Variants in FGR observed in about 807,000 individuals in gnomAD.
FGR encodes the protein tyrosine-protein kinase Fgr.
FGR carries 26 observed loss-of-function variants against 63.2 expected under a neutral mutation model. That is an observed-to-expected ratio of 0.41 (90% CI 0.30 to 0.57). The LOEUF is 0.57. FGR is among the 20% of genes least tolerant of loss of function. FGR has a pLI of 0.27. For synonymous variants in FGR, 286 were observed against 277.7 expected (o/e 1.03, Z -0.30); for missense variants, 511 against 690.8 (o/e 0.74, Z 2.92).
chr1:27,621,541 G>A lies in FGR; in HGVS notation c.428+18C>T, dbSNP rs767180774. 2 of 1,595,602 alleles carry A rather than the reference G, an allele frequency of 1.3e-6. No homozygotes were observed. Among genetic ancestry groups the A allele is most frequent in the Admixed American group, 3.3e-5 (2 of 59,964 alleles). ...GGGTCCTGTCCATAGGGCTGGTCTTGCCCCAATCCCTACTTACTCTTCAGC... is the reference window on the plus strand; with the variant it reads ...GGGTCCTGTCCATAGGGCTGGTCTTACCCCAATCCCTACTTACTCTTCAGC... On this transcript the variant is annotated intron_variant, in intron 5 of 12. Transcript: ENST00000374005.
chr1:27,614,906 T>C lies in FGR; in HGVS notation c.1039A>G (p.Lys347Glu). 3.8e-6 allele frequency: 6 copies of C among 1,599,010 alleles called. No individual in the cohort carries two copies. Among genetic ancestry groups the C allele is most frequent in the Non-Finnish European group, 5.1e-6 (6 of 1,171,456 alleles). The change falls in exon 10 of 13, where the codon AAG becomes GAG. Residue 347 changes from lysine (K) to glutamate (E), a missense_variant. Lys to Glu is a moderately conservative substitution (Grantham distance 56). Transcript: ENST00000374005. The part of the protein sequence containing the change: ...MCHGSLLDFL[K>E]NPEGQDLRLP... ...CTCAAATCCTGGCCCTCTGGGTTCT[T>C]GAGAAAATCCAGCAAGCTGCCTGGG...
chr1:27,617,345 C>G lies in FGR; in HGVS notation c.429-49G>C. 7.5e-7 allele frequency: 1 copy of G among 1,339,710 alleles called. No individual in the cohort carries two copies. The highest frequency in any genetic ancestry group is 1.1e-6 in the Non-Finnish European group (1 of 932,660). The allele number at this position is 1,339,710 out of a possible 1,614,324, so 83.0% of individuals were successfully genotyped here. On this transcript the variant is annotated intron_variant, in intron 5 of 12. Transcript: ENST00000374005. This position sits in a 1 kb window ranked among gnomAD's most constrained non-coding sequence, Gnocchi z 4.5. ...TCAGGTACGCTCTGCTCAAACCTCA[C>G]CTCAGCCTCCTGCACAGTCACCTCA...
At position 27,612,794 on chromosome 1, in the gene FGR, G is replaced by A. The variant is rs2231883; in HGVS notation, c.*120C>T. 3.5e-3 allele frequency: 3,241 copies of A among 929,360 alleles called. 61 individuals are homozygous for A. The African/African-American group carries it at 0.044, about 13-fold the overall frequency. The allele number at this position is 929,360 out of a possible 1,614,324, so 57.6% of individuals were successfully genotyped here. A position where few individuals can be genotyped will look rare whatever the true frequency, so the allele number is the denominator to read the frequency against. ...CCCTAGGTGGTGTCAGAGCAGCCACGTCCTCGGTGATGCTAGGACTCTATG... is the reference window on the plus strand; with the variant it reads ...CCCTAGGTGGTGTCAGAGCAGCCACATCCTCGGTGATGCTAGGACTCTATG... On this transcript the variant is annotated 3_prime_UTR_variant, in exon 13 of 13. Transcript: ENST00000374005.
At chr1:27,623,175 G>T in intron 3 of FGR, 31 bp from the exon 4 acceptor site, 1 of 1,547,092 alleles carries the variant, frequency 6.5e-7, no homozygotes, top group Non-Finnish European at 8.9e-7. Flanking sequence ...AGCAGGGTAG[G>T]GCATGGGGCA....
chr1:27,631,943 G>A (rs1432670132), intron 1 of FGR, among the ~76,000 whole-genome samples: 1 of 151,928 alleles, frequency 6.6e-6, no homozygotes, highest in Non-Finnish European at 1.5e-5. Context: ...CAAGGCTGAG[G>A]TCTGCAGGTG....
In FGR at chr1:27,615,207, C is replaced by A. The variant is rs973403182; in HGVS notation, c.1018+227G>T. 6.6e-6 allele frequency among the ~76,000 whole-genome samples: 1 copy of A among 152,088 alleles called. No individual in the cohort carries two copies. Among genetic ancestry groups the A allele is most frequent in the African/African-American group, 2.4e-5 (1 of 41,398 alleles). ...CCGATTCTGCCTTCGTTAGCCCAAG[C>A]CCTACCCGCCTAACACCGGAGGCAC... On this transcript the variant is annotated intron_variant, in intron 9 of 12. Coordinates refer to ENST00000374005, the MANE Select transcript of FGR (RefSeq NM_005248.3). This position sits in a 1 kb window ranked among gnomAD's most constrained non-coding sequence, Gnocchi z 7.6.
chr1:27,620,906 G>A (rs2089907899), intron 5 of FGR, among the ~76,000 whole-genome samples: 1 of 140,462 alleles, frequency 7.1e-6, no homozygotes, highest in Non-Finnish European at 1.5e-5. Context: ...AGAATCATCT[G>A]AGCCAGGGAG....
At chr1:27,631,470 G>A (rs72655019) in intron 1 of FGR, among the ~76,000 whole-genome samples, 1 of 152,160 alleles carries the variant, frequency 6.6e-6, no homozygotes, top group Non-Finnish European at 1.5e-5. Flanking sequence ...GGGATCTAGA[G>A]GCAGATTTAG....
At chr1:27,614,302 T>A in intron 11 of FGR, 128 bp downstream of exon 11, 2 of 1,103,286 alleles carry the variant, frequency 1.8e-6, no homozygotes, top group Non-Finnish European at 2.5e-6. Context: ...CAGAATTGCC[T>A]CTCATACTAC....
chr1:27,613,968 A>G (rs1478961606), intron 11 of FGR, among the ~76,000 whole-genome samples: 1 of 151,954 alleles, frequency 6.6e-6, no homozygotes, highest in African/African-American at 2.4e-5. Flanking sequence ...CCCTCCCAAA[A>G]CCCCCATGAG....
intron 9 of FGR, 26 bp from the exon 10 acceptor site, chr1:27,614,952 G>A: frequency 2.5e-6 from 4 of 1,571,658 alleles, no homozygotes; most frequent in Non-Finnish European, 3.5e-6. Context: ...AAAGTCAGCG[G>A]CAAAGCCCTA....
Position 27,612,768 on chromosome 1 carries a change from G to T in FGR, c.*146C>A. The T allele has an allele frequency of 1.5e-6, 1 of 683,520 alleles. No individual in the cohort carries two copies. Among genetic ancestry groups the T allele is most frequent in the Non-Finnish European group, 2.5e-6 (1 of 404,786 alleles). The allele number at this position is 683,520 out of a possible 1,614,324, so 42.3% of individuals were successfully genotyped here. Reference sequence around the variant, plus strand: ...GCCCCATCTGTAAAACAAGTAGGTTGCCCTAGGTGGTGTCAGAGCAGCCAC... The same window carrying T: ...GCCCCATCTGTAAAACAAGTAGGTTTCCCTAGGTGGTGTCAGAGCAGCCAC... On this transcript the variant is annotated 3_prime_UTR_variant, in exon 13 of 13. Coordinates refer to ENST00000374005, the MANE Select transcript of FGR (RefSeq NM_005248.3).
chr1:27,623,454 T>G, intron 3 of FGR: 1 of 604,990 alleles, frequency 1.7e-6, no homozygotes, highest in Non-Finnish European at 2.9e-6. Flanking sequence ...GTCACTTGCA[T>G]CTGTCACAGG....
chr1:27,615,788 G>T lies in FGR; in HGVS notation c.739C>A (p.Gln247Lys), dbSNP rs1283758241. 24 of 1,601,754 alleles carry T rather than the reference G, an allele frequency of 1.5e-5. No individual in the cohort carries two copies. Among genetic ancestry groups the T allele is most frequent in the Non-Finnish European group, 2.0e-5 (24 of 1,174,234 alleles). The part of the protein sequence containing the change: ...LIAPCTIMKP[Q>K]TLGLAKDAWE... ...GCGTCCTTGGCCAGGCCCAGCGTCTGCGGCTTCATGATGGTGCAGGGCGCG... is the reference window on the plus strand; with the variant it reads ...GCGTCCTTGGCCAGGCCCAGCGTCTTCGGCTTCATGATGGTGCAGGGCGCG... Residue 247 changes from glutamine (Q) to lysine (K), a missense_variant, in exon 8 of 13, where the codon CAG (glutamine) becomes AAG (lysine). Gln to Lys is a moderately conservative substitution (Grantham distance 53). Coordinates refer to ENST00000374005, the MANE Select transcript of FGR (RefSeq NM_005248.3). This position sits in a 1 kb window ranked among gnomAD's most constrained non-coding sequence, Gnocchi z 7.6.
At chr1:27,633,080 C>A (rs2090129591) in intron 1 of FGR, among the ~76,000 whole-genome samples, 1 of 152,140 alleles carries the variant, frequency 6.6e-6, no homozygotes, top group Non-Finnish European at 1.5e-5. Flanking sequence ...AACACTCACA[C>A]CCTCACTGGA....
At chr1:27,630,289 G>A (rs896017018) in intron 1 of FGR, among the ~76,000 whole-genome samples, 1 of 152,146 alleles carries the variant, frequency 6.6e-6, no homozygotes, top group Non-Finnish European at 1.5e-5. Context: ...TCCTGACCTC[G>A]TGATCTGCCC....
chr1:27,633,055 A>G (rs894716050), intron 1 of FGR, among the ~76,000 whole-genome samples: 1 of 152,086 alleles, frequency 6.6e-6, no homozygotes, highest in African/African-American at 2.4e-5. Flanking sequence ...ATTCACTCAG[A>G]GCCCAAAACA....
Position 27,614,411 on chromosome 1 carries a change from G to T in FGR, c.1249+19C>A. The T allele has an allele frequency of 1.9e-6, 3 of 1,605,930 alleles. No individual in the cohort carries two copies. The highest frequency in any genetic ancestry group is 1.7e-6 in the Non-Finnish European group (2 of 1,174,630). On this transcript the variant is annotated intron_variant, in intron 11 of 12. Coordinates refer to ENST00000374005, the MANE Select transcript of FGR (RefSeq NM_005248.3). ...TTGTTGCATGGGGAGCTCTTGGAAG[G>T]TGGGGTGAAGCAGGGCACCTTGGCA...
Position 27,612,670 on chromosome 1 carries a change from G to T in FGR, c.*244C>A. The T allele has an allele frequency of 1.9e-6, 1 of 514,442 alleles. No homozygotes were observed. Among genetic ancestry groups the T allele is most frequent in the Middle Eastern group, 5.2e-4 (1 of 1,938 alleles). 31.9% of individuals were successfully genotyped at this position (514,442 alleles called of 1,614,324 possible). Reference sequence around the variant, plus strand: ...AGTGAGAAAGGCTACAGGCATGTAGGGGCCTAAGTGGAAAAGGAAGAAATA... The same window carrying T: ...AGTGAGAAAGGCTACAGGCATGTAGTGGCCTAAGTGGAAAAGGAAGAAATA... On this transcript the variant is annotated 3_prime_UTR_variant, in exon 13 of 13. Coordinates refer to ENST00000374005, the MANE Select transcript of FGR (RefSeq NM_005248.3).
Sources: allele counts gnomAD v4.1 joint callset (sites outside exome capture counted in the v4.1 genomes callset), GRCh38; gene constraint gnomAD v4.1.1; non-coding constraint Gnocchi (gnomAD v3.1); transcripts MANE v1.5; gene names NCBI Gene and HGNC (gene_info 2026-07-23, HGNC 2026-07-21).